The following GPBP1L1 variants were observed in gnomAD, a reference collection of about 807,000 sequenced individuals.
The protein encoded by GPBP1L1 is vasculin-like protein 1.
In GPBP1L1, 23 loss-of-function variants were observed where a neutral mutation model predicts 52.5. The ratio of observed to expected loss-of-function variants is 0.44; its 90% CI spans 0.32 to 0.62. The LOEUF (loss-of-function observed/expected upper bound fraction) is 0.62, where lower values mean the gene tolerates loss of function less well. Among genes scored for constraint, GPBP1L1 ranks in the 20% least tolerant of loss-of-function variants. The pLI, the probability that GPBP1L1 is intolerant of heterozygous loss-of-function variation, is 0.06. For missense variants in GPBP1L1, 596 were observed against 579.3 expected (o/e 1.03, Z -0.30); for synonymous variants, 243 against 203.1 (o/e 1.20, Z -1.67).
intron 8 of GPBP1L1, among the ~76,000 whole-genome samples, chr1:45,639,395 T>C (rs765143764): frequency 6.6e-6 from 1 of 152,042 alleles, no homozygotes; most frequent in Non-Finnish European, 1.5e-5. Flanking sequence ...GTAGCCAAGA[T>C]AGTCAAGCTG....
At chr1:45,647,718 G>A (rs1327946844) in intron 6 of GPBP1L1, among the ~76,000 whole-genome samples, 1 of 152,112 alleles carries the variant, frequency 6.6e-6, no homozygotes, top group Non-Finnish European at 1.5e-5. Context: ...TTTTGTAGCA[G>A]AGTGACACCT....
intron 2 of GPBP1L1, among the ~76,000 whole-genome samples, chr1:45,672,367 T>C (rs1299428750): frequency 6.6e-6 from 1 of 151,982 alleles, no homozygotes; most frequent in Non-Finnish European, 1.5e-5. Flanking sequence ...AAAGGATTTA[T>C]TCTTAGGTAC....
At chr1:45,646,490 T>C (rs1001296274) in intron 6 of GPBP1L1, among the ~76,000 whole-genome samples, 4 of 152,216 alleles carry the variant, frequency 2.6e-5, no homozygotes, top group Non-Finnish European at 5.9e-5. Context: ...TCATCCTGGC[T>C]ATCCTTTCAA....
chr1:45,675,987 G>A (rs1330753158), intron 2 of GPBP1L1, among the ~76,000 whole-genome samples: 1 of 152,230 alleles, frequency 6.6e-6, no homozygotes, highest in East Asian at 1.9e-4. Context: ...ACAGGTTTAA[G>A]GGACTTCCTT....
Position 45,630,607 on chromosome 1 carries a change from C to T in GPBP1L1, c.1045-1G>A. On this transcript the variant is annotated splice_acceptor_variant, in intron 10 of 12. Transcript: ENST00000355105. LOFTEE classifies it high-confidence loss of function. Reference sequence around the variant, plus strand: ...GTTCAGGTGTGCTGTTGTCCTCCAACTGCAATAAGGAAAAGGAAGGACACA... The same window carrying T: ...GTTCAGGTGTGCTGTTGTCCTCCAATTGCAATAAGGAAAAGGAAGGACACA... 1 of 1,613,792 alleles carries T rather than the reference C, an allele frequency of 6.2e-7. No individual in the cohort carries two copies. Among genetic ancestry groups the T allele is most frequent in the Non-Finnish European group, 8.5e-7 (1 of 1,179,852 alleles).
chr1:45,646,005 G>C (rs904488550), intron 6 of GPBP1L1: 3 of 507,286 alleles, frequency 5.9e-6, no homozygotes, highest in African/African-American at 5.9e-5. Flanking sequence ...TAGCCTGCCT[G>C]TGAGGTTCAC....
At position 45,642,389 on chromosome 1, in the gene GPBP1L1, T is replaced by A. The variant is rs1380438521; in HGVS notation, c.550+38A>T. The A allele has an allele frequency of 2.1e-6, 3 of 1,439,452 alleles. No individual in the cohort carries two copies. The Admixed American group carries it at 5.3e-5, about 25-fold the overall frequency. 89.2% of individuals were successfully genotyped at this position (1,439,452 alleles called of 1,614,324 possible). On this transcript the variant is annotated intron_variant, in intron 7 of 12. Transcript: ENST00000355105. The stretch of plus-strand genomic sequence containing the variant: ...GCTCCCCTCCCTGCTAAGAAAAAAT[T>A]TTAAAGTTGTGCCTTTAAAATGGCA...
intron 6 of GPBP1L1, among the ~76,000 whole-genome samples, chr1:45,647,686 C>T (rs1427740004): frequency 1.3e-5 from 2 of 152,166 alleles, no homozygotes; most frequent in South Asian, 2.1e-4. Context: ...CAGCAGCTTC[C>T]CTCAGCACCT....
intron 2 of GPBP1L1, among the ~76,000 whole-genome samples, chr1:45,668,428 C>T (rs914529094): frequency 6.6e-6 from 1 of 152,080 alleles, no homozygotes; most frequent in African/African-American, 2.4e-5. Flanking sequence ...CTGAGGCAGG[C>T]GGATAACTTG....
upstream of GPBP1L1, chr1:45,686,769 G>C (rs1026715172): frequency 6.6e-6 from 1 of 152,354 alleles, no homozygotes; most frequent in Non-Finnish European, 1.5e-5. Context: ...CGCCGCTTGA[G>C]GCGGCGCATG....
chr1:45,641,033 C>CA lies in GPBP1L1; in HGVS notation c.551-631dup, dbSNP rs373882218. ...CTAACTCAAAAAAACAAAAACAAAA[C>CA]AAAAAAAAACACCTAAAAGTAGCAG... On this transcript the variant is annotated intron_variant, in intron 7 of 12. Coordinates refer to ENST00000355105, the MANE Select transcript of GPBP1L1 (RefSeq NM_021639.5). 1.6e-3 allele frequency among the ~76,000 whole-genome samples: 235 copies of CA among 149,632 alleles called. 3 individuals carry two copies. The East Asian group carries it at 0.032, about 20-fold the overall frequency.
chr1:45,663,287 G>A (rs1367777977), intron 2 of GPBP1L1, among the ~76,000 whole-genome samples: 4 of 151,874 alleles, frequency 2.6e-5, no homozygotes, highest in African/African-American at 7.3e-5. Context: ...CATCTGTTAG[G>A]GTATAAAGCT....
At chr1:45,647,056 T>A (rs937319479) in intron 6 of GPBP1L1, among the ~76,000 whole-genome samples, 1 of 152,056 alleles carries the variant, frequency 6.6e-6, no homozygotes, top group Non-Finnish European at 1.5e-5. Context: ...TTATTCTCTT[T>A]ATTCTTCAGT....
At chr1:45,686,966 C>T (rs1027036653), upstream of GPBP1L1, 2 of 152,424 alleles carry the variant, frequency 1.3e-5, no homozygotes, top group African/African-American at 4.8e-5. Context: ...CAGCCCGCCC[C>T]TTGGCCAGTG....
chr1:45,663,391 C>CTG (rs1359828301), intron 2 of GPBP1L1, among the ~76,000 whole-genome samples: 4 of 152,198 alleles, frequency 2.6e-5, no homozygotes, highest in African/African-American at 9.7e-5. Flanking sequence ...AACTGACACA[C>CTG]ACCACCACCT....
Position 45,659,108 on chromosome 1 carries a change from C to T in GPBP1L1, c.-21G>A. On this transcript the variant is annotated 5_prime_UTR_variant, in exon 4 of 13. The change abolishes the stop of an existing upstream ORF in the 5' untranslated region. Coordinates refer to ENST00000355105, the MANE Select transcript of GPBP1L1 (RefSeq NM_021639.5). ...GCCATTTAGGTCCAGTGTCTCCTTTCAGTAAGGTGAGGCATCCAACCTCAT... is the reference window on the plus strand; with the variant it reads ...GCCATTTAGGTCCAGTGTCTCCTTTTAGTAAGGTGAGGCATCCAACCTCAT... 1 of 1,613,904 alleles carries T rather than the reference C, an allele frequency of 6.2e-7. No individual in the cohort carries two copies. The highest frequency in any genetic ancestry group is 8.5e-7 in the Non-Finnish European group (1 of 1,179,852).
chr1:45,629,696 A>G lies in GPBP1L1; in HGVS notation c.1170-18T>C. 1 of 1,479,972 alleles carries G rather than the reference A, an allele frequency of 6.8e-7. No homozygotes were observed. The allele number at this position is 1,479,972 out of a possible 1,614,324, so 91.7% of individuals were successfully genotyped here. A position where few individuals can be genotyped will look rare whatever the true frequency, so the allele number is the denominator to read the frequency against. On this transcript the variant is annotated intron_variant, in intron 11 of 12. Coordinates refer to ENST00000355105, the MANE Select transcript of GPBP1L1 (RefSeq NM_021639.5). ...TCAATAACCTGGTGGACGCAGAAGG[A>G]CAGGTAAAGAGAATACAACATCACT...
intron 6 of GPBP1L1, among the ~76,000 whole-genome samples, chr1:45,645,011 CTCG>C (rs1386812039): frequency 1.3e-5 from 2 of 152,078 alleles, no homozygotes; most frequent in East Asian, 1.9e-4. Flanking sequence ...TGATTCAACC[CTCG>C]TCGTTATTAT....
chr1:45,674,139 C>T (rs540689182), intron 2 of GPBP1L1, among the ~76,000 whole-genome samples: 117 of 152,298 alleles, frequency 7.7e-4, no homozygotes, highest in Admixed American at 1.6e-3. Flanking sequence ...TTTACATGTT[C>T]CTTAGCAAAA....
Sources: allele counts gnomAD v4.1 joint callset (sites outside exome capture counted in the v4.1 genomes callset), GRCh38; gene constraint gnomAD v4.1.1; transcripts MANE v1.5; gene names NCBI Gene and HGNC (gene_info 2026-07-23, HGNC 2026-07-21).